RBFOX1: variants seen among roughly 807,000 people sequenced by gnomAD.
RBFOX1 encodes RNA binding fox-1 homolog 1.
RBFOX1 carries 8 observed loss-of-function variants against 57.7 expected under a neutral mutation model. The ratio of observed to expected loss-of-function variants is 0.14; its 90% CI spans 0.08 to 0.25. RBFOX1 has a LOEUF of 0.25. Among genes scored for constraint, RBFOX1 ranks in the 10% least tolerant of loss-of-function variants. The pLI, the probability that RBFOX1 is intolerant of heterozygous loss-of-function variation, is 1.00. For missense variants in RBFOX1, 611 were observed against 548.5 expected, an observed-to-expected ratio of 1.11 and a Z score of -1.14; for synonymous variants, 326 against 222.4, an observed-to-expected ratio of 1.47 and a Z score of -4.15.
chr16:5,434,121 G>T (rs114192449), intron 1 of RBFOX1, among the ~76,000 whole-genome samples: 3,382 of 152,200 alleles, frequency 0.022, 108 homozygotes, highest in African/African-American at 0.076. Context: ...AACCTCTGAT[G>T]CATGTCCTGC....
chr16:6,453,591 T>A (rs1157233993), intron 2 of RBFOX1, among the ~76,000 whole-genome samples: 1 of 152,170 alleles, frequency 6.6e-6, no homozygotes, highest in East Asian at 1.9e-4. Flanking sequence ...ACAGTAGAAT[T>A]CTACCAGAGG....
intron 3 of RBFOX1, among the ~76,000 whole-genome samples, chr16:6,798,901 G>GA (rs956493197): frequency 1.3e-5 from 2 of 151,740 alleles, no homozygotes; most frequent in African/African-American, 2.4e-5. Flanking sequence ...GAGGTTTAGA[G>GA]AAAAAAAATG....
intron 4 of RBFOX1, among the ~76,000 whole-genome samples, chr16:7,464,137 C>G (rs956046386): frequency 6.6e-6 from 1 of 152,122 alleles, no homozygotes; most frequent in Non-Finnish European, 1.5e-5. Context: ...CTCAATGGCT[C>G]TGATTTCCTT....
chr16:6,780,477 TTTA>T (rs559720493), intron 3 of RBFOX1, among the ~76,000 whole-genome samples: 1,980 of 102,758 alleles, frequency 0.019, 106 homozygotes, highest in African/African-American at 0.064. Context: ...TATATACATT[TTTA>T]TATATATTTA....
At chr16:6,793,005 G>C (rs1177210485) in intron 3 of RBFOX1, among the ~76,000 whole-genome samples, 1 of 151,016 alleles carries the variant, frequency 6.6e-6, no homozygotes, top group African/African-American at 2.4e-5. Context: ...CTGCAGGCTG[G>C]GCGACAGAGT....
chr16:6,026,340 C>T (rs2095193771), intron 1 of RBFOX1, among the ~76,000 whole-genome samples: 1 of 152,230 alleles, frequency 6.6e-6, no homozygotes, highest in Non-Finnish European at 1.5e-5. Flanking sequence ...GCTTCTCACA[C>T]ACTTTGAGGT....
intron 2 of RBFOX1, among the ~76,000 whole-genome samples, chr16:6,602,797 A>G (rs1215383291): frequency 2.6e-5 from 4 of 152,090 alleles, no homozygotes; most frequent in African/African-American, 7.2e-5. Flanking sequence ...ACCTGGAAAA[A>G]TGTAGAATTC....
intron 3 of RBFOX1, among the ~76,000 whole-genome samples, chr16:6,958,396 C>A (rs948182121): frequency 1.3e-5 from 2 of 152,064 alleles, no homozygotes; most frequent in Admixed American, 1.3e-4. Context: ...CAGCATATTT[C>A]CCCCCCTTTT....
intron 2 of RBFOX1, among the ~76,000 whole-genome samples, chr16:5,573,859 T>G (rs1224372983): frequency 6.6e-6 from 1 of 152,022 alleles, no homozygotes; most frequent in East Asian, 1.9e-4. Context: ...GAGGCTGATG[T>G]GTGAGGATCA....
intron 3 of RBFOX1, among the ~76,000 whole-genome samples, chr16:7,007,902 C>G (rs1424131075): frequency 6.6e-6 from 1 of 152,166 alleles, no homozygotes; most frequent in African/African-American, 2.4e-5. Context: ...ATGCTGTCTC[C>G]TCAAGCTTGC....
chr16:6,763,421 C>A lies in RBFOX1; in HGVS notation c.-16+108771C>A, dbSNP rs1383389763. Among the ~76,000 whole-genome samples the A allele has an allele frequency of 4.6e-5, 7 of 152,192 alleles. No homozygotes were observed. In the East Asian group the frequency reaches 1.3e-3, roughly 29 times the overall value. On this transcript the variant is annotated intron_variant, in intron 3 of 15. Coordinates refer to ENST00000550418, the MANE Select transcript of RBFOX1 (RefSeq NM_018723.4). ...TTGGCACAACCATTCAACCAGCAAACTGTATCTTCATGGGCCTGTACACCT... is the reference window on the plus strand; with the variant it reads ...TTGGCACAACCATTCAACCAGCAAAATGTATCTTCATGGGCCTGTACACCT...
chr16:6,501,152 T>A lies in RBFOX1; in HGVS notation c.-63-153451T>A, dbSNP rs868857693. On this transcript the variant is annotated intron_variant, in intron 2 of 15. Coordinates refer to ENST00000550418, the MANE Select transcript of RBFOX1 (RefSeq NM_018723.4). Reference sequence around the variant, plus strand: ...CATTCTTTTTTTTTTTTTTTTTTTTTATTTCACTTGAAGTTTTAGGGTACA... The same window carrying A: ...CATTCTTTTTTTTTTTTTTTTTTTTAATTTCACTTGAAGTTTTAGGGTACA... Among the ~76,000 whole-genome samples the A allele has an allele frequency of 1.0e-3, 152 of 146,132 alleles. No individual in the cohort carries two copies. The Middle Eastern group carries it at 0.01, about 10-fold the overall frequency.
intron 2 of RBFOX1, among the ~76,000 whole-genome samples, chr16:6,478,425 ATATATTTTTTTTTTTTTT>A (rs1438365278): frequency 1.6e-3 from 19 of 11,754 alleles, no homozygotes; most frequent in African/African-American, 4.6e-3. Flanking sequence ...ATATATATAT[ATATATTTTTTTTTTTTTT>A]TTTTGTATTT....
chr16:7,104,840 A>T (rs1162216158), intron 4 of RBFOX1, among the ~76,000 whole-genome samples: 2 of 152,162 alleles, frequency 1.3e-5, no homozygotes, highest in African/African-American at 2.4e-5. Context: ...ACATTCTTCA[A>T]GGGAGAACTC....
At chr16:6,654,700 G>A in intron 3 of RBFOX1, 50 bp downstream of exon 3, 2 of 1,409,322 alleles carry the variant, frequency 1.4e-6, no homozygotes, top group South Asian at 1.4e-5. Flanking sequence ...CAAGAACTCT[G>A]TGAATTGAAC....
intron 2 of RBFOX1, among the ~76,000 whole-genome samples, chr16:6,610,688 C>T (rs567781949): frequency 1.3e-5 from 2 of 152,296 alleles, no homozygotes; most frequent in East Asian, 1.9e-4. Context: ...TGTGAAGAAA[C>T]ACTGAAAGAT....
At chr16:5,727,112 C>T (rs902012458) in intron 3 of RBFOX1, among the ~76,000 whole-genome samples, 2 of 152,020 alleles carry the variant, frequency 1.3e-5, no homozygotes, top group Non-Finnish European at 2.9e-5. Context: ...TACAAAAATA[C>T]AAAAATTAGC....
chr16:6,908,231 G>T (rs1271316588), intron 3 of RBFOX1, among the ~76,000 whole-genome samples: 1 of 151,638 alleles, frequency 6.6e-6, no homozygotes, highest in Non-Finnish European at 1.5e-5. Context: ...CTGAGATCTG[G>T]CATTTCATCT....
chr16:6,654,928 C>G (rs916920603), intron 3 of RBFOX1, among the ~76,000 whole-genome samples: 2 of 152,006 alleles, frequency 1.3e-5, no homozygotes, highest in African/African-American at 2.4e-5. Flanking sequence ...CAGGAAAATA[C>G]TTTAACACTT....
Sources: allele counts gnomAD v4.1 joint callset (sites outside exome capture counted in the v4.1 genomes callset), GRCh38; gene constraint gnomAD v4.1.1; transcripts MANE v1.5; gene names NCBI Gene and HGNC (gene_info 2026-07-23, HGNC 2026-07-21).